RALYL: variants seen among roughly 807,000 people sequenced by gnomAD.
The protein encoded by RALYL is RALY RNA binding protein like, also known as RNA-binding Raly-like protein.
A neutral mutation model predicts 35.1 loss-of-function variants in RALYL; 29 were observed. The ratio of observed to expected loss-of-function variants is 0.83; its 90% confidence interval spans 0.61 to 1.13. RALYL has a LOEUF of 1.13. Among genes scored for constraint, RALYL ranks in the 50% most tolerant of loss-of-function variants. The pLI, the probability that RALYL is intolerant of heterozygous loss-of-function variation, is 0.00. For missense variants in RALYL, 359 were observed against 360.4 expected, an observed-to-expected ratio of 1.00 and a Z score of 0.03; for synonymous variants, 120 against 127.6, an observed-to-expected ratio of 0.94 and a Z score of 0.40.
At chr8:84,187,811 C>T (rs1018633672) in intron 1 of RALYL, among the ~76,000 whole-genome samples, 9 of 151,940 alleles carry the variant, frequency 5.9e-5, no homozygotes, top group Admixed American at 2.0e-4. Context: ...ATAGAAATTC[C>T]AGTGAGAAGT....
intron 1 of RALYL, among the ~76,000 whole-genome samples, chr8:84,438,081 C>A (rs2047935138): frequency 6.6e-6 from 1 of 152,100 alleles, no homozygotes; most frequent in South Asian, 2.1e-4. Flanking sequence ...CTGTTCATGT[C>A]TTTTGCCTCA....
chr8:84,273,490 T>C (rs2131977577), intron 1 of RALYL, among the ~76,000 whole-genome samples: 1 of 152,362 alleles, frequency 6.6e-6, no homozygotes, highest in South Asian at 2.1e-4. Context: ...CCCTGCCACA[T>C]ACTTTTCAAC....
intron 1 of RALYL, among the ~76,000 whole-genome samples, chr8:84,399,762 G>A (rs1276172893): frequency 6.6e-6 from 1 of 152,054 alleles, no homozygotes; most frequent in African/African-American, 2.4e-5. Context: ...TTACCCATTA[G>A]CCCAGTCATG....
chr8:84,608,593 C>T (rs1357094067), intron 2 of RALYL, among the ~76,000 whole-genome samples: 1 of 152,126 alleles, frequency 6.6e-6, no homozygotes, highest in Non-Finnish European at 1.5e-5. Flanking sequence ...AGTGCATTTG[C>T]TCCATATTAC....
rs148407897 is a variant in RALYL, at chr8:84,259,087, T to G, written c.-24+74663T>G. ...TCTTAGCTCATTTCTGACAATATGC[T>G]TTTGTACCAAATTGAACTGGGGGCA... is the stretch of plus-strand genomic sequence containing the variant. On this transcript the variant is annotated intron_variant, in intron 1 of 8. Transcript: ENST00000521268. Among the ~76,000 whole-genome samples, 16 of 152,324 alleles carry G rather than the reference T, an allele frequency of 1.1e-4. No individual in the cohort carries two copies. In the East Asian group the frequency reaches 3.1e-3, roughly 29 times the overall value.
At chr8:84,427,076 C>CAT (rs2046569753) in intron 1 of RALYL, among the ~76,000 whole-genome samples, 1 of 152,080 alleles carries the variant, frequency 6.6e-6, no homozygotes, top group South Asian at 2.1e-4. Context: ...TAAATTGGTA[C>CAT]ATATATATAA....
intron 2 of RALYL, among the ~76,000 whole-genome samples, chr8:84,724,951 G>A (rs939405428): frequency 6.6e-6 from 1 of 151,454 alleles, no homozygotes; most frequent in African/African-American, 2.4e-5. Context: ...ATTTTATGTT[G>A]CAATCACTAA....
chr8:84,728,034 C>G (rs1285850852), intron 2 of RALYL, among the ~76,000 whole-genome samples: 1 of 151,720 alleles, frequency 6.6e-6, no homozygotes, highest in Non-Finnish European at 1.5e-5. Flanking sequence ...TTCTAGATCC[C>G]TGAGGAATCG....
At chr8:84,774,872 G>A (rs1565225) in intron 3 of RALYL, among the ~76,000 whole-genome samples, 50,355 of 151,952 alleles carry the variant, frequency 0.33, 10,086 homozygotes, top group African/African-American at 0.56. Flanking sequence ...ACCCTTCTAC[G>A]AGATACTTAT....
intron 2 of RALYL, among the ~76,000 whole-genome samples, chr8:84,534,879 G>C (rs905520069): frequency 1.3e-5 from 2 of 152,104 alleles, no homozygotes; most frequent in Non-Finnish European, 2.9e-5. Context: ...TAACTGTTTC[G>C]TAGGCCTGAT....
At chr8:84,472,417 A>G (rs1290482818) in intron 1 of RALYL, among the ~76,000 whole-genome samples, 1 of 152,174 alleles carries the variant, frequency 6.6e-6, no homozygotes, top group African/African-American at 2.4e-5. Context: ...GAAGACTCTA[A>G]ATAGCGCCTG....
At chr8:84,540,309 G>A (rs2059935876) in intron 2 of RALYL, among the ~76,000 whole-genome samples, 1 of 147,468 alleles carries the variant, frequency 6.8e-6, no homozygotes, top group African/African-American at 2.5e-5. Flanking sequence ...GTTTATCATA[G>A]GATTTGTGTG....
intron 4 of RALYL, among the ~76,000 whole-genome samples, chr8:84,814,423 C>T (rs1220266466): frequency 6.6e-6 from 1 of 151,926 alleles, no homozygotes; most frequent in African/African-American, 2.4e-5. Context: ...ATGATGAATA[C>T]TAGTAATTGT....
intron 4 of RALYL, among the ~76,000 whole-genome samples, chr8:84,818,435 T>C (rs1827827651): frequency 6.6e-6 from 1 of 152,008 alleles, no homozygotes; most frequent in Admixed American, 6.6e-5. Context: ...TTCTTCAAGG[T>C]GAGGTAAGAA....
At chr8:84,518,756 C>T (rs536610602) in intron 1 of RALYL, among the ~76,000 whole-genome samples, 6 of 152,144 alleles carry the variant, frequency 3.9e-5, no homozygotes, top group Admixed American at 3.3e-4. Flanking sequence ...TCAGTAATGA[C>T]TGAAAGTTGT....
intron 2 of RALYL, among the ~76,000 whole-genome samples, chr8:84,542,066 A>G (rs1007164365): frequency 6.6e-6 from 1 of 152,042 alleles, no homozygotes; most frequent in Non-Finnish European, 1.5e-5. Context: ...TGTGTCTACA[A>G]GTTTGCTGTT....
chr8:84,289,776 A>T (rs1343485192), intron 1 of RALYL, among the ~76,000 whole-genome samples: 1 of 151,952 alleles, frequency 6.6e-6, no homozygotes, highest in Non-Finnish European at 1.5e-5. Context: ...AGTTTTCTAC[A>T]TTTTTTTATA....
intron 3 of RALYL, among the ~76,000 whole-genome samples, chr8:84,784,245 C>A (rs1818859538): frequency 6.6e-6 from 1 of 152,024 alleles, no homozygotes; most frequent in Non-Finnish European, 1.5e-5. Context: ...TAACTTCTAA[C>A]AATGAAATAA....
chr8:84,787,256 G>A (rs1000791981), intron 3 of RALYL, among the ~76,000 whole-genome samples: 7 of 151,746 alleles, frequency 4.6e-5, no homozygotes, highest in South Asian at 2.1e-4. Context: ...GAGAACATGC[G>A]GTGTTTGGTT....
Sources: gnomAD v4.1 joint callset for allele counts (sites outside exome capture counted in the v4.1 genomes callset) on GRCh38, gnomAD v4.1.1 for gene constraint, MANE v1.5 for transcripts, NCBI Gene and HGNC (gene_info 2026-07-23, HGNC 2026-07-21) for gene names.